The following BTD variants were observed in gnomAD, a reference collection of about 807,000 sequenced individuals.
BTD encodes biotinidase, also known as biocytinase.
A neutral mutation model predicts 17.7 loss-of-function variants in BTD; 13 were observed. The ratio of observed to expected loss-of-function variants is 0.74; its 90% CI spans 0.48 to 1.17. The LOEUF (loss-of-function observed/expected upper bound fraction) is 1.17, where lower values mean the gene tolerates loss of function less well. Among genes scored for constraint, BTD ranks in the 50% most tolerant of loss-of-function variants. The pLI, the probability that BTD is intolerant of heterozygous loss-of-function variation, is 0.00. For synonymous variants in BTD, 240 were observed against 245.2 expected, an observed-to-expected ratio of 0.98 and a Z score of 0.20; for missense variants, 674 against 650.4, an observed-to-expected ratio of 1.04 and a Z score of -0.39.
intron 3 of BTD, among the ~76,000 whole-genome samples, chr3:15,710,018 G>T (rs569445381): frequency 5.6e-5 from 8 of 143,424 alleles, no homozygotes; most frequent in African/African-American, 1.8e-4. Context: ...GAGGCTTTAG[G>T]AAACAACTTG....
intron 1 of BTD, among the ~76,000 whole-genome samples, chr3:15,633,775 A>G (rs2065274616): frequency 6.6e-6 from 1 of 152,256 alleles, no homozygotes; most frequent in African/African-American, 2.4e-5. Flanking sequence ...TGCCCCCAAA[A>G]TCACTCTCTG....
At chr3:15,677,139 C>G in intron 3 of BTD, 1 of 1,114,808 alleles carries the variant, frequency 9.0e-7, no homozygotes, top group Non-Finnish European at 1.4e-6. Context: ...AATCCTAGTC[C>G]ATATATTATG....
At position 15,711,082 on chromosome 3, in the gene BTD, T is replaced by C. The variant is rs555227692; in HGVS notation, c.*1008T>C. ...TATTCTGCCACCCTGGACTTTTTTT[T>C]CCCAAACAACTCCTGTTTTGTTTTC... On this transcript the variant is annotated 3_prime_UTR_variant, in exon 4 of 4. Transcript: ENST00000672141. 2.2e-4 allele frequency: 165 copies of C among 761,496 alleles called. 3 individuals carry two copies. The African/African-American group carries it at 2.3e-3, about 11-fold the overall frequency. The allele number at this position is 761,496 out of a possible 1,614,324, so 47.2% of individuals were successfully genotyped here.
chr3:15,710,337 A>G (rs1018501669), exon 4 of BTD, among the ~76,000 whole-genome samples: 1 of 152,230 alleles, frequency 6.6e-6, no homozygotes, highest in Non-Finnish European at 1.5e-5. Flanking sequence ...TTACTATGTT[A>G]CAATGAAAAC....
At chr3:15,687,711 C>T (rs1293322851) in intron 3 of BTD, among the ~76,000 whole-genome samples, 1 of 152,044 alleles carries the variant, frequency 6.6e-6, no homozygotes, top group African/African-American at 2.4e-5. Context: ...CTACCCTAGT[C>T]CAATCTGTAT....
chr3:15,643,432 C>T (rs1439331167), intron 3 of BTD, among the ~76,000 whole-genome samples: 3 of 151,882 alleles, frequency 2.0e-5, no homozygotes, highest in Non-Finnish European at 4.4e-5. Context: ...GCCTGGGAGG[C>T]GGAAGTTGCA....
chr3:15,625,759 G>A (rs1216634231), intron 1 of BTD, among the ~76,000 whole-genome samples: 1 of 152,128 alleles, frequency 6.6e-6, no homozygotes, highest in Non-Finnish European at 1.5e-5. Context: ...GTTTCACCGT[G>A]TTAGCCAGGA....
At chr3:15,713,162 G>A (rs1440021542), downstream of BTD, among the ~76,000 whole-genome samples, 1 of 152,074 alleles carries the variant, frequency 6.6e-6, no homozygotes, top group Non-Finnish European at 1.5e-5. Flanking sequence ...AGCCTGAAAA[G>A]TATTATCTAC....
At position 15,645,701 on chromosome 3, in the gene BTD, G is replaced by C. The variant is rs1233840906; in HGVS notation, c.*213G>C. 4 of 564,632 alleles carry C rather than the reference G, an allele frequency of 7.1e-6. No homozygotes were observed. In the South Asian group the frequency reaches 9.4e-5, roughly 13 times the overall value. The allele number at this position is 564,632 out of a possible 1,614,324, so 35.0% of individuals were successfully genotyped here. A position where few individuals can be genotyped will look rare whatever the true frequency, so the allele number is the denominator to read the frequency against. ...ACCTCAATCATCGAGACATTAGGGGGTATTTTCTGTTCACATTTATCTTTT... is the reference window on the plus strand; with the variant it reads ...ACCTCAATCATCGAGACATTAGGGGCTATTTTCTGTTCACATTTATCTTTT... On this transcript the variant is annotated 3_prime_UTR_variant, in exon 4 of 4. Coordinates refer to ENST00000643237, the MANE Select transcript of BTD (RefSeq NM_001370658.1).
chr3:15,720,260 C>G (rs909554693), intron 4 of BTD, among the ~76,000 whole-genome samples: 2 of 152,124 alleles, frequency 1.3e-5, no homozygotes, highest in Non-Finnish European at 2.9e-5. Context: ...GTGCAACACA[C>G]TGACAGTTTT....
intron 3 of BTD, among the ~76,000 whole-genome samples, chr3:15,699,135 T>C (rs2070152510): frequency 1.3e-5 from 2 of 152,108 alleles, no homozygotes; most frequent in South Asian, 2.1e-4. Context: ...AAACTAGCAA[T>C]GGGGAAAGGA....
At position 15,646,487 on chromosome 3, in the gene BTD, C is replaced by T. The variant is rs761463757; in HGVS notation, c.*999C>T. ...GGCCCACTTTAGTCATGCATTTATT[C>T]AATCACCCAACAGGCACAGAGCAGG... is the stretch of plus-strand genomic sequence containing the variant. On this transcript the variant is annotated 3_prime_UTR_variant, in exon 4 of 4. Coordinates refer to ENST00000643237, the MANE Select transcript of BTD (RefSeq NM_001370658.1). The T allele has an allele frequency of 1.3e-5, 2 of 152,236 alleles. No individual in the cohort carries two copies. Among genetic ancestry groups the T allele is most frequent in the Non-Finnish European group, 2.9e-5 (2 of 68,038 alleles). 9.4% of individuals were successfully genotyped at this position (152,236 alleles called of 1,614,324 possible). A position where few individuals can be genotyped will look rare whatever the true frequency, so the allele number is the denominator to read the frequency against.
intron 1 of BTD, among the ~76,000 whole-genome samples, chr3:15,608,542 C>T (rs564487835): frequency 4.6e-5 from 7 of 152,128 alleles, no homozygotes; most frequent in South Asian, 2.1e-4. Context: ...CCAAGGCAGG[C>T]GGATCACGAG....
At position 15,647,346 on chromosome 3, in the gene BTD, A is replaced by T. The variant is rs1010171817; in HGVS notation, c.*1858A>T. On this transcript the variant is annotated 3_prime_UTR_variant, in exon 4 of 4. Coordinates refer to ENST00000643237, the MANE Select transcript of BTD (RefSeq NM_001370658.1). ...GCCTTATGCCAAGATGATTCAAATA[A>T]GCCTGAGAAAGAGAGGCCAGCGCTA... 9.2e-5 allele frequency: 14 copies of T among 152,248 alleles called. No individual in the cohort carries two copies. The highest frequency in any genetic ancestry group is 3.4e-4 in the African/African-American group (14 of 41,458). 9.4% of individuals were successfully genotyped at this position (152,248 alleles called of 1,614,324 possible). A position where few individuals can be genotyped will look rare whatever the true frequency, so the allele number is the denominator to read the frequency against.
At chr3:15,632,457 A>C (rs545939520) in intron 1 of BTD, 2 of 152,390 alleles carry the variant, frequency 1.3e-5, no homozygotes, top group Admixed American at 1.3e-4. Context: ...GAGGGCGTGC[A>C]CATGGTTGCC....
At chr3:15,686,110 C>T (rs1353125649) in intron 3 of BTD, 1 of 1,612,778 alleles carries the variant, frequency 6.2e-7, no homozygotes, top group African/African-American at 1.3e-5. Flanking sequence ...CAGATAGCAT[C>T]AGAGGCGTCC....
At chr3:15,601,507 G>C, upstream of BTD, 1 of 1,609,800 alleles carries the variant, frequency 6.2e-7, no homozygotes, top group Non-Finnish European at 8.5e-7. Context: ...CGGCAAACAA[G>C]CGGAATCATC....
chr3:15,716,777 A>G (rs1407600231), downstream of BTD, among the ~76,000 whole-genome samples: 1 of 152,240 alleles, frequency 6.6e-6, no homozygotes, highest in East Asian at 1.9e-4. Context: ...TTATGTATAC[A>G]TAGCACGTTT....
intron 3 of BTD, among the ~76,000 whole-genome samples, chr3:15,698,228 T>C (rs1464752451): frequency 6.6e-6 from 1 of 152,182 alleles, no homozygotes; most frequent in Admixed American, 6.5e-5. Flanking sequence ...TAGGTATTGA[T>C]GGAATGTATC....
Sources: allele counts gnomAD v4.1 joint callset (sites outside exome capture counted in the v4.1 genomes callset), GRCh38; gene constraint gnomAD v4.1.1; transcripts MANE v1.5; gene names NCBI Gene and HGNC (gene_info 2026-07-23, HGNC 2026-07-21).